The following LUZP2 variants were observed in gnomAD, a reference collection of about 807,000 sequenced individuals.
LUZP2 encodes leucine zipper protein 2.
LUZP2 carries 52 observed loss-of-function variants against 51.6 expected under a neutral mutation model. The observed-to-expected ratio is 1.01, with a 90% CI of 0.81 to 1.27. The LOEUF (loss-of-function observed/expected upper bound fraction) is 1.27. Ranked by LOEUF, LUZP2 falls within the 50% of genes most tolerant of loss-of-function variation. The probability of loss-of-function intolerance (pLI) is 0.00; values close to 1 mark genes in which losing one functional copy is unlikely to be tolerated. For missense variants in LUZP2, 436 were observed against 395.4 expected (o/e 1.10, Z -0.87); for synonymous variants, 154 against 137.3 (o/e 1.12, Z -0.85).
intron 1 of LUZP2, among the ~76,000 whole-genome samples, chr11:24,558,906 G>A (rs1334688861): frequency 6.6e-6 from 1 of 152,090 alleles, no homozygotes; most frequent in East Asian, 1.9e-4. Flanking sequence ...ACCCCAGAGT[G>A]TAAGAAATAA....
chr11:24,560,036 A>G (rs527583898), intron 1 of LUZP2, among the ~76,000 whole-genome samples: 1 of 152,226 alleles, frequency 6.6e-6, no homozygotes, highest in African/African-American at 2.4e-5. Flanking sequence ...TCATGGGTTG[A>G]TGGGTGCAGC....
At chr11:24,669,661 T>G (rs1185049161) in intron 1 of LUZP2, among the ~76,000 whole-genome samples, 1 of 152,066 alleles carries the variant, frequency 6.6e-6, no homozygotes, top group Non-Finnish European at 1.5e-5. Flanking sequence ...AGGCACAATT[T>G]ATAGAAACTT....
At chr11:24,863,433 G>T (rs112080956) in intron 5 of LUZP2, among the ~76,000 whole-genome samples, 43 of 152,190 alleles carry the variant, frequency 2.8e-4, no homozygotes, top group African/African-American at 9.9e-4. Context: ...TGATCCAAGT[G>T]AAAGAATCCA....
At chr11:24,741,891 A>G (rs1590431409) in intron 4 of LUZP2, among the ~76,000 whole-genome samples, 1 of 139,090 alleles carries the variant, frequency 7.2e-6, no homozygotes, top group African/African-American at 2.7e-5. Flanking sequence ...ATATATTTAT[A>G]TACATATATA....
rs565743223 is a variant in LUZP2 at position 24,804,514 on chromosome 11, C to A, written c.396+41206C>A. Among the ~76,000 whole-genome samples, 4 of 152,168 alleles carry A rather than the reference C, an allele frequency of 2.6e-5. No individual in the cohort carries two copies. In the East Asian group the frequency reaches 7.7e-4, roughly 29 times the overall value. On this transcript the variant is annotated intron_variant, in intron 5 of 11. Transcript: ENST00000336930. Reference sequence around the variant, plus strand: ...GAGGTTTGTTTACTTGTTTGGACAGCCCTGCAGAAGTATGATTGAAAGACA... The same window carrying A: ...GAGGTTTGTTTACTTGTTTGGACAGACCTGCAGAAGTATGATTGAAAGACA...
chr11:24,590,681 A>G (rs921581312), intron 1 of LUZP2, among the ~76,000 whole-genome samples: 2 of 152,298 alleles, frequency 1.3e-5, no homozygotes, highest in Admixed American at 6.5e-5. Flanking sequence ...AAATGTAGCT[A>G]TCATTAAGGC....
intron 7 of LUZP2, among the ~76,000 whole-genome samples, chr11:24,972,139 G>GAAA (rs10701148): frequency 0.016 from 533 of 32,710 alleles, 113 homozygotes; most frequent in Middle Eastern, 0.15. Context: ...GTGAGACTCC[G>GAAA]AAAAAAAAAA....
At chr11:24,568,275 G>C (rs1236180452) in intron 1 of LUZP2, among the ~76,000 whole-genome samples, 1 of 150,658 alleles carries the variant, frequency 6.6e-6, no homozygotes, top group Non-Finnish European at 1.5e-5. Flanking sequence ...CATGAGAATT[G>C]CTTGAACCCA....
intron 7 of LUZP2, among the ~76,000 whole-genome samples, chr11:24,963,551 G>A (rs1157341790): frequency 6.6e-6 from 1 of 152,190 alleles, no homozygotes; most frequent in East Asian, 1.9e-4. Context: ...GACTCCGTGG[G>A]CATAGGACCC....
intron 5 of LUZP2, among the ~76,000 whole-genome samples, chr11:24,851,207 G>A (rs1481513897): frequency 6.6e-6 from 1 of 152,194 alleles, no homozygotes; most frequent in African/African-American, 2.4e-5. Flanking sequence ...CAAAGGGAAT[G>A]ATTCCAGCTT....
chr11:24,805,483 C>T (rs1349112994), intron 5 of LUZP2, among the ~76,000 whole-genome samples: 4 of 152,078 alleles, frequency 2.6e-5, no homozygotes, highest in Non-Finnish European at 5.9e-5. Context: ...TGCGCCTGGC[C>T]AGAAGCAACT....
intron 10 of LUZP2, among the ~76,000 whole-genome samples, chr11:25,053,077 TA>T (rs1381765142): frequency 1.3e-5 from 2 of 151,762 alleles, no homozygotes; most frequent in African/African-American, 4.8e-5. Context: ...AAAGAGAGAG[TA>T]AATAGGAACC....
chr11:24,527,550 ATCTCTC>A (rs144689201), intron 1 of LUZP2, among the ~76,000 whole-genome samples: 38 of 140,188 alleles, frequency 2.7e-4, no homozygotes, highest in African/African-American at 6.5e-4. Context: ...TTAAATAAGA[ATCTCTC>A]TCTCTCTCTC....
At chr11:24,786,555 T>G (rs1245786031) in intron 5 of LUZP2, 1 of 415,120 alleles carries the variant, frequency 2.4e-6, no homozygotes, top group Non-Finnish European at 3.2e-6. Context: ...TATAAACAGG[T>G]GTATATAATT....
intron 10 of LUZP2, among the ~76,000 whole-genome samples, chr11:25,065,133 G>A (rs1264343304): frequency 1.3e-5 from 2 of 151,856 alleles, no homozygotes; most frequent in African/African-American, 4.8e-5. Flanking sequence ...TTAAACTATG[G>A]GAAAGCTGCT....
chr11:25,009,218 A>G (rs1486551422), intron 9 of LUZP2, among the ~76,000 whole-genome samples: 1 of 152,198 alleles, frequency 6.6e-6, no homozygotes, highest in Non-Finnish European at 1.5e-5. Context: ...GCTCATCATA[A>G]TTCATTTGTT....
chr11:24,929,880 A>G (rs1364161168), intron 7 of LUZP2, among the ~76,000 whole-genome samples: 2 of 152,104 alleles, frequency 1.3e-5, no homozygotes, highest in Non-Finnish European at 2.9e-5. Context: ...AGTACTTATC[A>G]GTAGTTATCG....
intron 1 of LUZP2, among the ~76,000 whole-genome samples, chr11:24,697,730 TTC>T (rs1037797840): frequency 3.9e-5 from 6 of 152,216 alleles, no homozygotes; most frequent in African/African-American, 1.4e-4. Context: ...CAGCCATTGT[TTC>T]TTAGTTGTCT....
intron 1 of LUZP2, among the ~76,000 whole-genome samples, chr11:24,531,403 TATC>T (rs1251187931): frequency 6.6e-6 from 1 of 150,984 alleles, no homozygotes; most frequent in Non-Finnish European, 1.5e-5. Context: ...TTAGCAAATA[TATC>T]ATCTCATTTA....
Sources: allele counts gnomAD v4.1 joint callset (sites outside exome capture counted in the v4.1 genomes callset), GRCh38; gene constraint gnomAD v4.1.1; transcripts MANE v1.5; gene names NCBI Gene and HGNC (gene_info 2026-07-23, HGNC 2026-07-21).